RSPH9: variants seen among roughly 807,000 people sequenced by gnomAD.
RSPH9 encodes the protein radial spoke head component 9, also known as radial spoke head protein 9 homolog.
RSPH9 carries 27 observed loss-of-function variants against 27.0 expected under a neutral mutation model. The ratio of observed to expected loss-of-function variants is 1.00; its 90% CI spans 0.74 to 1.38. The LOEUF is 1.38. RSPH9 is among the 40% of genes most tolerant of loss of function. RSPH9 has a pLI of 0.00. For missense variants in RSPH9, 347 were observed against 357.4 expected (o/e 0.97, Z 0.24); for synonymous variants, 145 against 147.7 (o/e 0.98, Z 0.13).
intron 4 of RSPH9, among the ~76,000 whole-genome samples, chr6:43,660,910 G>T (rs1561942457): frequency 2.0e-5 from 3 of 152,296 alleles, no homozygotes; most frequent in South Asian, 4.1e-4. Context: ...CTTGAAAAGT[G>T]AAGTCACTCC....
chr6:43,668,685 G>A (rs1019430114), intron 4 of RSPH9, among the ~76,000 whole-genome samples: 4 of 152,198 alleles, frequency 2.6e-5, no homozygotes, highest in Non-Finnish European at 5.9e-5. Context: ...TGGCAACAAT[G>A]AACTGACAAG....
intron 2 of RSPH9, among the ~76,000 whole-genome samples, chr6:43,654,294 G>T (rs537527050): frequency 1.2e-4 from 19 of 152,312 alleles, no homozygotes; most frequent in African/African-American, 3.6e-4. Flanking sequence ...AATTTCATCT[G>T]TGTAAAAAGG....
rs756601373 is a variant in RSPH9, at chr6:43,645,261, G to A, written c.163G>A (p.Ala55Thr). 3 of 1,613,824 alleles carry A rather than the reference G, an allele frequency of 1.9e-6. No homozygotes were observed. The highest frequency in any genetic ancestry group is 3.3e-5 in the Admixed American group (2 of 59,988). Residue 55 changes from alanine (A) to threonine (T), a missense_variant, in exon 1 of 5, where the codon GCC becomes ACC. Physicochemically the swap from Ala to Thr is moderately conservative, Grantham distance 58 (BLOSUM62 0). Coordinates refer to ENST00000372163, the MANE Select transcript of RSPH9 (RefSeq NM_152732.5). The stretch of plus-strand genomic sequence containing the variant: ...CTGGGGCCGCATCCTTGGCCTCGTC[G>A]CCGATTACTACATCGCGCAGGGCCT... ...LFWGRILGLVADYYIAQGLSE... is the reference protein window; with the variant it reads ...LFWGRILGLVTDYYIAQGLSE...
chr6:43,658,634 G>A (rs1035831163), intron 4 of RSPH9, among the ~76,000 whole-genome samples: 5 of 152,138 alleles, frequency 3.3e-5, no homozygotes, highest in East Asian at 3.9e-4. Context: ...TCCACCTCCC[G>A]GATTCATGCC....
chr6:43,672,209 G>A lies in RSPH9; in HGVS notation c.*1260G>A. 1 of 473,284 alleles carries A rather than the reference G, an allele frequency of 2.1e-6. No homozygotes were observed. The highest frequency in any genetic ancestry group is 2.1e-5 in the South Asian group (1 of 48,092). 29.3% of individuals were successfully genotyped at this position (473,284 alleles called of 1,614,324 possible). On this transcript the variant is annotated 3_prime_UTR_variant, in exon 5 of 5. Coordinates refer to ENST00000372163, the MANE Select transcript of RSPH9 (RefSeq NM_152732.5). ...TGTTTGCTGAGGAAAAGGTGGCGAA[G>A]AGGCTGCCTGAAGAGCAGATCATTC...
intron 1 of RSPH9, among the ~76,000 whole-genome samples, chr6:43,648,009 C>T (rs1488770791): frequency 6.6e-6 from 1 of 152,178 alleles, no homozygotes; most frequent in South Asian, 2.1e-4. Context: ...GTGGCTCATG[C>T]CTGTAATCCC....
intron 1 of RSPH9, among the ~76,000 whole-genome samples, chr6:43,649,600 C>A (rs1361005854): frequency 6.6e-6 from 1 of 151,960 alleles, no homozygotes; most frequent in East Asian, 1.9e-4. Flanking sequence ...ACCTCCTCTC[C>A]CAGCAGAAGG....
rs373087132 is a variant in RSPH9 at position 43,646,073 on chromosome 6, G to A, written c.227+748G>A. Among the ~76,000 whole-genome samples, 27 of 152,226 alleles carry A rather than the reference G, an allele frequency of 1.8e-4. No individual in the cohort carries two copies. The East Asian group carries it at 3.5e-3, about 20-fold the overall frequency. ...GGATTCAAGCGATTTTCCTGCCTCA[G>A]CCTCCCAAATAGCTGGGATTACAGG... On this transcript the variant is annotated intron_variant, in intron 1 of 4. Transcript: ENST00000372163.
Position 43,655,769 on chromosome 6 carries a change from G to A in RSPH9, c.523+78G>A, listed in dbSNP as rs577708468. 4.0e-5 allele frequency: 61 copies of A among 1,524,550 alleles called. 1 individual carries two copies. In the East Asian group the frequency reaches 1.3e-3, roughly 33 times the overall value. The allele number at this position is 1,524,550 out of a possible 1,614,324, so 94.4% of individuals were successfully genotyped here. On this transcript the variant is annotated intron_variant, in intron 3 of 4. Transcript: ENST00000372163. ...AGTAGAACATATGTCTGGGAGTCCA[G>A]CAGGGGGGCTTACACACTTTATCAG... is the stretch of plus-strand genomic sequence containing the variant.
chr6:43,663,450 C>T (rs1269097050), intron 4 of RSPH9, among the ~76,000 whole-genome samples: 1 of 152,062 alleles, frequency 6.6e-6, no homozygotes, highest in Non-Finnish European at 1.5e-5. Flanking sequence ...AACTCCTGAC[C>T]TCAGATGATC....
rs1773098283 is a variant in RSPH9 at position 43,665,980 on chromosome 6, C to A, written c.671-4809C>A. ...AGCTGGGACTACAGGTGTGGACCAC[C>A]ATGCCTGGCTAGTTTTTGTATTTTT... On this transcript the variant is annotated intron_variant, in intron 4 of 4. Transcript: ENST00000372163. Among the ~76,000 whole-genome samples the A allele has an allele frequency of 2.0e-5, 3 of 152,216 alleles. No individual in the cohort carries two copies. The South Asian group carries it at 6.2e-4, about 32-fold the overall frequency.
chr6:43,655,475 C>T (rs571800484), intron 2 of RSPH9, 87 bp from the exon 3 acceptor site: 65 of 1,469,512 alleles, frequency 4.4e-5, no homozygotes, highest in South Asian at 5.7e-5. Context: ...TGCAGTGGTG[C>T]GGGTGAGATG....
At chr6:43,645,391 G>GGGGGT in intron 1 of RSPH9, 66 bp downstream of exon 1, 2 of 400,192 alleles carry the variant, frequency 5.0e-6, no homozygotes, top group Non-Finnish European at 9.9e-6. Flanking sequence ...GGGTGGGCGG[G>GGGGGT]TCGCAGCAAT....
chr6:43,659,768 A>G (rs940187917), intron 4 of RSPH9, among the ~76,000 whole-genome samples: 11 of 146,994 alleles, frequency 7.5e-5, no homozygotes, highest in East Asian at 6.3e-4. Flanking sequence ...GTCTCACTCT[A>G]TCGCCCAGGC....
At chr6:43,652,818 T>A (rs73428659) in intron 2 of RSPH9, among the ~76,000 whole-genome samples, 9,118 of 151,826 alleles carry the variant, frequency 0.06, 936 homozygotes, top group African/African-American at 0.21. Flanking sequence ...GAAGTTTTAT[T>A]TTATTTTTAT....
chr6:43,652,246 C>T (rs1771553353), intron 2 of RSPH9, among the ~76,000 whole-genome samples: 1 of 148,752 alleles, frequency 6.7e-6, no homozygotes, highest in Non-Finnish European at 1.5e-5. Context: ...GCAGAGCTTG[C>T]AGTGAGCTGA....
chr6:43,664,028 A>C (rs772910369), intron 4 of RSPH9, among the ~76,000 whole-genome samples: 1 of 138,010 alleles, frequency 7.2e-6, no homozygotes, highest in African/African-American at 2.8e-5. Context: ...GAATGTCTCG[A>C]AAAAAAAAAA....
Position 43,645,076 on chromosome 6 carries a change from C to T in RSPH9, c.-23C>T. On this transcript the variant is annotated 5_prime_UTR_variant, in exon 1 of 5. Coordinates refer to ENST00000372163, the MANE Select transcript of RSPH9 (RefSeq NM_152732.5). Reference sequence around the variant, plus strand: ...CGGCTTCTCCTAGCAACTCGACGGGCGTTGAGCGGAGCCGCTGACCTGATG... The same window carrying T: ...CGGCTTCTCCTAGCAACTCGACGGGTGTTGAGCGGAGCCGCTGACCTGATG... 2.5e-6 allele frequency: 4 copies of T among 1,599,616 alleles called. No individual in the cohort carries two copies. Among genetic ancestry groups the T allele is most frequent in the East Asian group, 2.2e-5 (1 of 44,824 alleles).
At chr6:43,645,936 A>T (rs1479296274) in intron 1 of RSPH9, among the ~76,000 whole-genome samples, 1 of 152,142 alleles carries the variant, frequency 6.6e-6, no homozygotes, top group African/African-American at 2.4e-5. Flanking sequence ...ACTACCATAC[A>T]GGACCATCCA....
Sources: gnomAD v4.1 joint callset for allele counts (sites outside exome capture counted in the v4.1 genomes callset) on GRCh38, gnomAD v4.1.1 for gene constraint, MANE v1.5 for transcripts, NCBI Gene and HGNC (gene_info 2026-07-23, HGNC 2026-07-21) for gene names.